Variants in CNTN1 observed in about 807,000 individuals in gnomAD.
CNTN1 encodes the protein contactin-1.
Under a neutral mutation model 126.4 loss-of-function variants are expected in CNTN1, and 38 were observed. That is an observed-to-expected ratio of 0.30 (90% confidence interval 0.23 to 0.39). The LOEUF is 0.39. CNTN1 is among the 10% of genes least tolerant of loss of function. The pLI, the probability that CNTN1 is intolerant of heterozygous loss-of-function variation, is 1.00. For missense variants in CNTN1, 1,009 were observed against 1,248.4 expected, an observed-to-expected ratio of 0.81 and a Z score of 2.89; for synonymous variants, 413 against 422.6, an observed-to-expected ratio of 0.98 and a Z score of 0.28.
intron 1 of CNTN1, among the ~76,000 whole-genome samples, chr12:40,777,236 T>C (rs1272390840): frequency 6.8e-6 from 1 of 147,262 alleles, no homozygotes; most frequent in South Asian, 2.2e-4. Context: ...ATCTAATTAC[T>C]ATGTTTTTTT....
chr12:40,760,777 G>A (rs188503479), intron 1 of CNTN1, among the ~76,000 whole-genome samples: 1 of 151,236 alleles, frequency 6.6e-6, no homozygotes, highest in Admixed American at 6.6e-5. Context: ...TCCCCTTATA[G>A]GTGACAACTT....
At chr12:40,884,722 A>G (rs1386202110) in intron 1 of CNTN1, among the ~76,000 whole-genome samples, 1 of 151,596 alleles carries the variant, frequency 6.6e-6, no homozygotes, top group Non-Finnish European at 1.5e-5. Context: ...ATGTAAGTTT[A>G]GCATGTTCTT....
intron 4 of CNTN1, among the ~76,000 whole-genome samples, chr12:40,920,865 G>T (rs1945417552): frequency 6.6e-6 from 1 of 152,142 alleles, no homozygotes. Context: ...CTTCTTCAAA[G>T]ACAGAAAAAG....
At chr12:40,877,712 T>A (rs1943716652) in intron 1 of CNTN1, among the ~76,000 whole-genome samples, 1 of 152,202 alleles carries the variant, frequency 6.6e-6, no homozygotes, top group Non-Finnish European at 1.5e-5. Flanking sequence ...GCATTTAAAA[T>A]ATTCCAAAAT....
At chr12:40,948,217 G>A (rs1005426887) in intron 14 of CNTN1, among the ~76,000 whole-genome samples, 1 of 149,404 alleles carries the variant, frequency 6.7e-6, no homozygotes, top group Non-Finnish European at 1.5e-5. Context: ...ATCCCCCATT[G>A]GAAATTCCAG....
chr12:41,059,017 C>G (rs544566331), intron 23 of CNTN1, among the ~76,000 whole-genome samples: 1 of 150,454 alleles, frequency 6.6e-6, no homozygotes, highest in African/African-American at 2.4e-5. Context: ...CAGAGAGACA[C>G]CAATTAATCC....
At chr12:40,986,114 T>A (rs377560111) in intron 16 of CNTN1, among the ~76,000 whole-genome samples, 14 of 152,326 alleles carry the variant, frequency 9.2e-5, no homozygotes, top group Admixed American at 4.6e-4. Flanking sequence ...TTTATACAAG[T>A]TGTGCATGTT....
intron 18 of CNTN1, 130 bp from the exon 19 acceptor site, chr12:41,016,552 C>A: frequency 1.5e-6 from 1 of 683,046 alleles, no homozygotes; most frequent in East Asian, 2.7e-5. Context: ...ACATTTGGAA[C>A]CAGCACTAAT....
At chr12:41,038,287 T>A (rs938790631) in intron 23 of CNTN1, among the ~76,000 whole-genome samples, 1 of 151,936 alleles carries the variant, frequency 6.6e-6, no homozygotes, top group Non-Finnish European at 1.5e-5. Flanking sequence ...ACTTTGGAGG[T>A]CTATGTATTA....
intron 1 of CNTN1, among the ~76,000 whole-genome samples, chr12:40,796,178 G>A (rs1462216066): frequency 6.6e-6 from 1 of 152,036 alleles, no homozygotes; most frequent in Admixed American, 6.6e-5. Context: ...AGCACAGGAG[G>A]CTTCATGGGT....
At chr12:40,944,298 A>T (rs1946362674) in intron 14 of CNTN1, 128 bp downstream of exon 14, 1 of 849,736 alleles carries the variant, frequency 1.2e-6, no homozygotes, top group Non-Finnish European at 1.9e-6. Context: ...CAGGCAAAAA[A>T]GCTTTCTGTG....
chr12:40,709,644 G>A (rs1400621499), intron 1 of CNTN1, among the ~76,000 whole-genome samples: 1 of 152,188 alleles, frequency 6.6e-6, no homozygotes, highest in Non-Finnish European at 1.5e-5. Flanking sequence ...AGTGAGCTTA[G>A]CTAGATCTTC....
In CNTN1 at chr12:40,888,590, C is replaced by T. The variant is rs148874036; in HGVS notation, c.-76-19767C>T. Among the ~76,000 whole-genome samples the T allele has an allele frequency of 7.0e-3, 1,060 of 151,810 alleles. 8 individuals carry two copies. Among genetic ancestry groups the T allele is most frequent in the South Asian group, 0.031 (150 of 4,806 alleles). The stretch of plus-strand genomic sequence containing the variant: ...ACTTGTTTTAGACTCCCGATTACAA[C>T]GTAAAGAAATGTGATTAACAACAAC... On this transcript the variant is annotated intron_variant, in intron 1 of 23. Transcript: ENST00000551295.
chr12:40,874,514 A>C (rs1943606817), intron 1 of CNTN1, among the ~76,000 whole-genome samples: 1 of 152,128 alleles, frequency 6.6e-6, no homozygotes, highest in African/African-American at 2.4e-5. Context: ...AATATATAGA[A>C]ACATTTTCAA....
chr12:40,978,925 C>A (rs989387296), intron 15 of CNTN1: 10 of 152,040 alleles, frequency 6.6e-5, no homozygotes, highest in African/African-American at 1.4e-4. Context: ...TTGAGAAATT[C>A]TTTTATTATT....
chr12:40,895,998 C>A (rs1944399589), intron 1 of CNTN1: 1 of 151,902 alleles, frequency 6.6e-6, no homozygotes, highest in Non-Finnish European at 1.5e-5. Flanking sequence ...GATCTCCTGA[C>A]TTCGTGATCC....
intron 1 of CNTN1, among the ~76,000 whole-genome samples, chr12:40,882,417 G>A (rs1565880069): frequency 6.6e-6 from 1 of 151,688 alleles, no homozygotes; most frequent in East Asian, 1.9e-4. Context: ...TAGATGATTT[G>A]AAAGTCATTC....
intron 1 of CNTN1, among the ~76,000 whole-genome samples, chr12:40,794,749 T>C (rs919494016): frequency 2.0e-5 from 3 of 152,138 alleles, no homozygotes; most frequent in African/African-American, 7.2e-5. Context: ...TAGCTCCCAT[T>C]GGGAAGGAGT....
At chr12:40,958,123 A>C (rs1946959047) in intron 14 of CNTN1, among the ~76,000 whole-genome samples, 1 of 152,050 alleles carries the variant, frequency 6.6e-6, no homozygotes, top group African/African-American at 2.4e-5. Context: ...TATCTTGGAG[A>C]TAATTAACAT....
Sources: allele counts gnomAD v4.1 joint callset (sites outside exome capture counted in the v4.1 genomes callset), GRCh38; gene constraint gnomAD v4.1.1; transcripts MANE v1.5; gene names NCBI Gene and HGNC (gene_info 2026-07-23, HGNC 2026-07-21).